EIF4E: variants seen among roughly 807,000 people sequenced by gnomAD.
The protein encoded by EIF4E is eukaryotic translation initiation factor 4E, also known as eIF-4F 25 kDa subunit.
For missense variants in EIF4E, 113 were observed against 265.6 expected (o/e 0.43, Z 3.99); for synonymous variants, 71 against 88.5 (o/e 0.80, Z 1.11).
At chr4:98,923,196 TG>T (rs1383865113) in intron 1 of EIF4E, among the ~76,000 whole-genome samples, 1 of 145,796 alleles carries the variant, frequency 6.9e-6, no homozygotes, top group Non-Finnish European at 1.5e-5. Flanking sequence ...AAGTTCCAAC[TG>T]GGGAAACAAA....
chr4:98,897,889 T>C (rs547680621), intron 2 of EIF4E, among the ~76,000 whole-genome samples: 7 of 152,340 alleles, frequency 4.6e-5, no homozygotes, highest in African/African-American at 7.2e-5. Flanking sequence ...TGTGTCAACA[T>C]TGGAAGATCT....
chr4:98,879,733 C>T lies in EIF4E; in HGVS notation c.*1295G>A, dbSNP rs1266451483. 6.6e-6 allele frequency: 1 copy of T among 152,056 alleles called. No individual in the cohort carries two copies. The highest frequency in any genetic ancestry group is 2.4e-5 in the African/African-American group (1 of 41,422). 9.4% of individuals were successfully genotyped at this position (152,056 alleles called of 1,614,324 possible). ...CAACCAAGTTTTACAACCACTGTTGCTACCAATCAAATGGTGATGCATCAG... is the reference window on the plus strand; with the variant it reads ...CAACCAAGTTTTACAACCACTGTTGTTACCAATCAAATGGTGATGCATCAG... On this transcript the variant is annotated 3_prime_UTR_variant, in exon 7 of 7. Transcript: ENST00000450253.
At position 98,887,819 on chromosome 4, in the gene EIF4E, T is replaced by A; in HGVS notation, c.285+70A>T. On this transcript the variant is annotated intron_variant, in intron 4 of 6. Coordinates refer to ENST00000450253, the MANE Select transcript of EIF4E (RefSeq NM_001968.5). This position sits in a 1 kb window ranked among gnomAD's most constrained non-coding sequence, Gnocchi z 4.0. The stretch of plus-strand genomic sequence containing the variant: ...CTATCAAATATTCCTAAGTTTATGG[T>A]AAGATTTCTTAATGAATACCAAATG... 7.2e-7 allele frequency: 1 copy of A among 1,388,918 alleles called. No homozygotes were observed. The highest frequency in any genetic ancestry group is 1.0e-6 in the Non-Finnish European group (1 of 987,498). 86.0% of individuals were successfully genotyped at this position (1,388,918 alleles called of 1,614,324 possible). A position where few individuals can be genotyped will look rare whatever the true frequency, so the allele number is the denominator to read the frequency against.
At chr4:98,910,888 C>A (rs916676390) in intron 1 of EIF4E, among the ~76,000 whole-genome samples, 2 of 151,512 alleles carry the variant, frequency 1.3e-5, no homozygotes, top group Admixed American at 1.3e-4. Context: ...CACCACCACA[C>A]CTGGCTAATT....
Position 98,879,790 on chromosome 4 carries a change from G to A in EIF4E, c.*1238C>T, listed in dbSNP as rs1723599700. The A allele has an allele frequency of 6.6e-6, 1 of 152,044 alleles. No individual in the cohort carries two copies. Among genetic ancestry groups the A allele is most frequent in the Non-Finnish European group, 1.5e-5 (1 of 67,976 alleles). 9.4% of individuals were successfully genotyped at this position (152,044 alleles called of 1,614,324 possible). Reference sequence around the variant, plus strand: ...ATTCTCATGAGTATTAACATATTAAGAGAGTACATTATTTACCTAAGACTG... The same window carrying A: ...ATTCTCATGAGTATTAACATATTAAAAGAGTACATTATTTACCTAAGACTG... On this transcript the variant is annotated 3_prime_UTR_variant, in exon 7 of 7. Transcript: ENST00000450253.
chr4:98,883,393 A>ATTTTTTTTTTTTTTTTTTTTTTTTTTTT (rs11408890), intron 6 of EIF4E, among the ~76,000 whole-genome samples: 1 of 103,896 alleles, frequency 9.6e-6, no homozygotes. Flanking sequence ...TGTAAGTCAA[A>ATTTTTTTTTTTTTTTTTTTTTTTTTTTT]TTTTTTTTTT....
At chr4:98,922,857 T>C (rs1035843246) in intron 1 of EIF4E, among the ~76,000 whole-genome samples, 7 of 150,622 alleles carry the variant, frequency 4.6e-5, no homozygotes, top group African/African-American at 1.7e-4. Flanking sequence ...TTTCTTTTTT[T>C]TTTTTTTTGA....
chr4:98,884,143 T>C (rs1423064272), intron 6 of EIF4E, among the ~76,000 whole-genome samples: 1 of 151,962 alleles, frequency 6.6e-6, no homozygotes, highest in Non-Finnish European at 1.5e-5. Flanking sequence ...AACCAAGATA[T>C]GTTATATAAA....
intron 1 of EIF4E, among the ~76,000 whole-genome samples, chr4:98,906,054 T>C (rs1048101984): frequency 2.0e-5 from 3 of 152,220 alleles, no homozygotes; most frequent in African/African-American, 7.2e-5. Context: ...TGCTTTTCCA[T>C]AGTTTTGAAC....
At position 98,929,033 on chromosome 4, in the gene EIF4E, C is replaced by T. The variant is rs1057090825; in HGVS notation, c.18+62G>A. 2.2e-5 allele frequency: 34 copies of T among 1,569,816 alleles called. No homozygotes were observed. The African/African-American group carries it at 3.5e-4, about 16-fold the overall frequency. Reference sequence around the variant, plus strand: ...CGGGAACGCCGTCCCGCGGAGTCCCCCAGTCAGAAGGAAGACGGAGCGCGG... The same window carrying T: ...CGGGAACGCCGTCCCGCGGAGTCCCTCAGTCAGAAGGAAGACGGAGCGCGG... On this transcript the variant is annotated intron_variant, in intron 1 of 6. Coordinates refer to ENST00000450253, the MANE Select transcript of EIF4E (RefSeq NM_001968.5).
At chr4:98,914,960 T>C (rs900158978) in intron 1 of EIF4E, among the ~76,000 whole-genome samples, 1 of 152,180 alleles carries the variant, frequency 6.6e-6, no homozygotes, top group East Asian at 1.9e-4. Context: ...TAGTTAGTTT[T>C]TGAGACAGGG....
chr4:98,901,866 G>C lies in EIF4E; in HGVS notation c.125+10C>G, dbSNP rs1281993777. On this transcript the variant is annotated intron_variant, in intron 2 of 6. Transcript: ENST00000450253. ...CCTAACTCAGAAAACCTAGGTGTTAGAAAGCTTACCTGTTCTGTAGGGGAT... is the reference window on the plus strand; with the variant it reads ...CCTAACTCAGAAAACCTAGGTGTTACAAAGCTTACCTGTTCTGTAGGGGAT... 2 of 1,610,938 alleles carry C rather than the reference G, an allele frequency of 1.2e-6. No individual in the cohort carries two copies. The highest frequency in any genetic ancestry group is 1.7e-6 in the Non-Finnish European group (2 of 1,178,896).
intron 1 of EIF4E, among the ~76,000 whole-genome samples, chr4:98,924,965 G>A (rs73834930): frequency 0.025 from 3,876 of 152,210 alleles, 150 homozygotes; most frequent in African/African-American, 0.089. Flanking sequence ...GTGGATTATC[G>A]AGGAACTCTG....
intron 1 of EIF4E, among the ~76,000 whole-genome samples, chr4:98,905,387 A>G (rs559510712): frequency 6.6e-6 from 1 of 152,344 alleles, no homozygotes; most frequent in East Asian, 1.9e-4. Context: ...CCCTTGAAAA[A>G]GCATCGTGTA....
intron 1 of EIF4E, among the ~76,000 whole-genome samples, chr4:98,919,101 G>A (rs557796972): frequency 6.6e-6 from 1 of 152,230 alleles, no homozygotes; most frequent in Admixed American, 6.5e-5. Context: ...GAGGTCAAGA[G>A]ATCAAGACCA....
chr4:98,918,344 G>A lies in EIF4E; in HGVS notation c.18+10751C>T, dbSNP rs960765476. ...TCACTGCACTCCAGCCTAGGCAAGA[G>A]CAAAGCTCCGTCTTGGAAAAAAAAA... is the stretch of plus-strand genomic sequence containing the variant. On this transcript the variant is annotated intron_variant, in intron 1 of 6. Transcript: ENST00000450253. Among the ~76,000 whole-genome samples the A allele has an allele frequency of 5.7e-5, 8 of 140,638 alleles. 2 individuals are homozygous for A. In the Admixed American group the frequency reaches 5.9e-4, roughly 10 times the overall value. 92.3% of individuals were successfully genotyped at this position (140,638 alleles called of 152,430 possible). A position where few individuals can be genotyped will look rare whatever the true frequency, so the allele number is the denominator to read the frequency against.
At chr4:98,888,799 G>T (rs1372444351) in intron 3 of EIF4E, among the ~76,000 whole-genome samples, 1 of 152,090 alleles carries the variant, frequency 6.6e-6, no homozygotes, top group African/African-American at 2.4e-5. Flanking sequence ...TACAGACCAT[G>T]GATGATTCTA....
At chr4:98,917,199 T>C (rs1443209333) in intron 1 of EIF4E, among the ~76,000 whole-genome samples, 2 of 151,600 alleles carry the variant, frequency 1.3e-5, no homozygotes, top group South Asian at 2.1e-4. Flanking sequence ...TGCTTGACCA[T>C]GTGTTCATGA....
intron 6 of EIF4E, 70 bp downstream of exon 6, chr4:98,884,852 A>G: frequency 6.3e-7 from 1 of 1,581,656 alleles, no homozygotes; most frequent in Non-Finnish European, 8.6e-7. Context: ...TTCTAAAGCT[A>G]CAAATAAAAT....
Sources: allele counts gnomAD v4.1 joint callset (sites outside exome capture counted in the v4.1 genomes callset), GRCh38; gene constraint gnomAD v4.1.1; non-coding constraint Gnocchi (gnomAD v3.1); transcripts MANE v1.5; gene names NCBI Gene and HGNC (gene_info 2026-07-23, HGNC 2026-07-21).